The following ASPG variants were observed in gnomAD, a reference collection of about 807,000 sequenced individuals.
The protein encoded by ASPG is asparaginase.
In ASPG, 53 loss-of-function variants were observed where a neutral mutation model predicts 63.2. The ratio of observed to expected loss-of-function variants is 0.84; its 90% confidence interval spans 0.67 to 1.05. The LOEUF (loss-of-function observed/expected upper bound fraction) is 1.05. Ranked by LOEUF, ASPG falls within the 50% of genes least tolerant of loss-of-function variation. The pLI is 0.00. For synonymous variants in ASPG, 370 were observed against 355.0 expected (o/e 1.04, Z -0.48); for missense variants, 741 against 794.4 (o/e 0.93, Z 0.81).
chr14:104,107,154 G>C, intron 11 of ASPG, 28 bp from the exon 12 acceptor site: 1 of 1,533,978 alleles, frequency 6.5e-7, no homozygotes, highest in Non-Finnish European at 8.8e-7. Context: ...GTCTCCCTCA[G>C]GGGTCGCATG....
chr14:104,097,718 C>A (rs2036658932), intron 5 of ASPG, 81 bp downstream of exon 5: 3 of 1,331,798 alleles, frequency 2.3e-6, no homozygotes, highest in Admixed American at 4.0e-5. Flanking sequence ...CAAAGTCCCC[C>A]CAGCCCCTCC....
chr14:104,101,607 T>A (rs995602645), intron 6 of ASPG, among the ~76,000 whole-genome samples: 6 of 151,638 alleles, frequency 4.0e-5, no homozygotes, highest in Admixed American at 3.9e-4. Flanking sequence ...CCCGGCCCAC[T>A]CTGCTGGGGC....
intron 11 of ASPG, 85 bp downstream of exon 11, chr14:104,106,979 C>A: frequency 7.1e-7 from 1 of 1,401,412 alleles, no homozygotes; most frequent in Non-Finnish European, 9.7e-7. Flanking sequence ...GGCCTTTCAT[C>A]CACCCACTGA....
intron 4 of ASPG, 110 bp downstream of exon 4, chr14:104,095,766 C>G: frequency 1.4e-6 from 2 of 1,439,364 alleles, no homozygotes; most frequent in African/African-American, 1.4e-5. Context: ...CTCAGCCCAG[C>G]AGCTCCTGAG....
chr14:104,094,444 A>G (rs2036505694), intron 3 of ASPG, among the ~76,000 whole-genome samples: 1 of 151,616 alleles, frequency 6.6e-6, no homozygotes, highest in South Asian at 2.1e-4. Context: ...CCCTGCAGGC[A>G]GAACCACCCC....
rs1312193037 is a variant in ASPG at position 104,097,679 on chromosome 14, G to A, written c.513+42G>A. On this transcript the variant is annotated intron_variant, in intron 5 of 15. Coordinates refer to ENST00000551177, the MANE Select transcript of ASPG (RefSeq NM_001080464.3). ...CGTGGAGGCGGGGCAGGTGGGGTGGGGGCAGGAGCCCAGACAGCAGCCAGG... is the reference window on the plus strand; with the variant it reads ...CGTGGAGGCGGGGCAGGTGGGGTGGAGGCAGGAGCCCAGACAGCAGCCAGG... 5 of 1,539,710 alleles carry A rather than the reference G, an allele frequency of 3.2e-6. 1 individual carries two copies. The highest frequency in any genetic ancestry group is 1.4e-5 in the African/African-American group (1 of 72,780).
intron 10 of ASPG, 71 bp downstream of exon 10, chr14:104,105,521 C>T: frequency 6.8e-7 from 1 of 1,471,100 alleles, no homozygotes; most frequent in Non-Finnish European, 9.0e-7. Context: ...CTGGGATGCA[C>T]CAGGCAGGCA....
chr14:104,113,300 G>A lies in ASPG; in HGVS notation c.*756G>A, dbSNP rs1201199540. On this transcript the variant is annotated 3_prime_UTR_variant, in exon 16 of 16. Transcript: ENST00000551177. ...CACCGTGAGCCAGGCCACCCTGTAAGGGAAGAGGTGAGCTGTGCCTGCCTG... is the reference window on the plus strand; with the variant it reads ...CACCGTGAGCCAGGCCACCCTGTAAAGGAAGAGGTGAGCTGTGCCTGCCTG... 1 of 152,416 alleles carries A rather than the reference G, an allele frequency of 6.6e-6. No individual in the cohort carries two copies. The highest frequency in any genetic ancestry group is 2.4e-5 in the African/African-American group (1 of 41,416). The allele number at this position is 152,416 out of a possible 1,614,324, so 9.4% of individuals were successfully genotyped here. A position where few individuals can be genotyped will look rare whatever the true frequency, so the allele number is the denominator to read the frequency against.
intron 6 of ASPG, among the ~76,000 whole-genome samples, chr14:104,101,153 C>T (rs1386951235): frequency 3.3e-5 from 5 of 152,156 alleles, no homozygotes; most frequent in South Asian, 2.1e-4. Context: ...GTGTTTCCCA[C>T]GTGCGTGTGG....
intron 10 of ASPG, 91 bp from the exon 11 acceptor site, chr14:104,106,708 G>A (rs887775817): frequency 1.6e-5 from 18 of 1,155,676 alleles, no homozygotes; most frequent in East Asian, 2.6e-5. Flanking sequence ...TTGTGTGGGG[G>A]CTGGCAGGGG....
intron 1 of ASPG, among the ~76,000 whole-genome samples, chr14:104,087,798 G>T (rs561211776): frequency 6.6e-6 from 1 of 152,220 alleles, no homozygotes; most frequent in Non-Finnish European, 1.5e-5. Context: ...CTTGGCCCCC[G>T]CGTGCTCGCC....
Position 104,109,387 on chromosome 14 carries a change from G to A in ASPG, c.1520+72G>A. The stretch of plus-strand genomic sequence containing the variant: ...AGCTTGGGGAAGCGAAGCCAGACCT[G>A]CTGGGAGGGACAAGTGAGTCAGGGT... On this transcript the variant is annotated intron_variant, in intron 13 of 15. Coordinates refer to ENST00000551177, the MANE Select transcript of ASPG (RefSeq NM_001080464.3). This position sits in a 1 kb window ranked among gnomAD's most constrained non-coding sequence, Gnocchi z 4.8. 5.4e-6 allele frequency: 8 copies of A among 1,478,700 alleles called. No homozygotes were observed. The highest frequency in any genetic ancestry group is 2.6e-5 in the South Asian group (2 of 76,602). The allele number at this position is 1,478,700 out of a possible 1,614,324, so 91.6% of individuals were successfully genotyped here. A position where few individuals can be genotyped will look rare whatever the true frequency, so the allele number is the denominator to read the frequency against.
Position 104,112,020 on chromosome 14 carries a change from G to T in ASPG, c.1701+20G>T. ...TGCCCAGTAAGTCCCCACCCCAGGC[G>T]GGGCTGACACCCCCCAGTGAGCTTC... On this transcript the variant is annotated intron_variant, in intron 15 of 15. Coordinates refer to ENST00000551177, the MANE Select transcript of ASPG (RefSeq NM_001080464.3). The T allele has an allele frequency of 6.5e-7, 1 of 1,547,688 alleles. No individual in the cohort carries two copies.
At chr14:104,095,399 T>C in intron 3 of ASPG, 132 bp from the exon 4 acceptor site, 1 of 1,302,146 alleles carries the variant, frequency 7.7e-7, no homozygotes, top group Non-Finnish European at 1.1e-6. Context: ...GAGAGGGACT[T>C]CCAGGCCAGG....
rs1037239183 is a variant in ASPG at position 104,097,694 on chromosome 14, C to T, written c.513+57C>T. On this transcript the variant is annotated intron_variant, in intron 5 of 15. Transcript: ENST00000551177. ...GGTGGGGTGGGGGCAGGAGCCCAGA[C>T]AGCAGCCAGGAAACAAAGTCCCCCC... 2.9e-5 allele frequency: 44 copies of T among 1,509,106 alleles called. No homozygotes were observed. In the African/African-American group the frequency reaches 5.0e-4, roughly 17 times the overall value. The allele number at this position is 1,509,106 out of a possible 1,614,324, so 93.5% of individuals were successfully genotyped here.
chr14:104,111,489 C>T lies in ASPG; in HGVS notation c.1521-13C>T, dbSNP rs111968908. The T allele has an allele frequency of 1.4e-3, 2,099 of 1,547,138 alleles. 21 individuals are homozygous for T. In the African/African-American group the frequency reaches 0.025, roughly 18 times the overall value. Reference sequence around the variant, plus strand: ...GCAGGCCCCAACAACTCCTCCTCTGCCCCCACCCCCAGGCTGGCATACAGG... The same window carrying T: ...GCAGGCCCCAACAACTCCTCCTCTGTCCCCACCCCCAGGCTGGCATACAGG... On this transcript the variant is annotated splice_polypyrimidine_tract_variant and intron_variant, in intron 13 of 15. Transcript: ENST00000551177.
intron 3 of ASPG, among the ~76,000 whole-genome samples, chr14:104,095,189 C>T (rs928582440): frequency 1.3e-5 from 2 of 152,222 alleles, no homozygotes; most frequent in Admixed American, 6.5e-5. Context: ...CTTCGAGGCT[C>T]GTGCACCACC....
intron 15 of ASPG, among the ~76,000 whole-genome samples, chr14:104,112,298 C>A (rs531989121): frequency 6.6e-6 from 1 of 152,180 alleles, no homozygotes; most frequent in East Asian, 1.9e-4. Flanking sequence ...GCCCCTGCGC[C>A]CTGCCCCACC....
At chr14:104,097,429 C>A in intron 4 of ASPG, 125 bp from the exon 5 acceptor site, 1 of 940,336 alleles carries the variant, frequency 1.1e-6, no homozygotes, top group South Asian at 1.8e-5. Flanking sequence ...CCCGCCTGTC[C>A]TTCTCTTTCC....
Sources: gnomAD v4.1 joint callset for allele counts (sites outside exome capture counted in the v4.1 genomes callset) on GRCh38, gnomAD v4.1.1 for gene constraint, Gnocchi (gnomAD v3.1) non-coding constraint, MANE v1.5 for transcripts, NCBI Gene and HGNC (gene_info 2026-07-23, HGNC 2026-07-21) for gene names.